The following MAP1B variants were observed in gnomAD, a reference collection of about 807,000 sequenced individuals.
The protein encoded by MAP1B is microtubule associated protein 1B, also known as microtubule-associated protein 1B.
In MAP1B, 12 loss-of-function variants were observed where a neutral mutation model predicts 176.1. The observed-to-expected ratio is 0.07, with a 90% CI of 0.04 to 0.11. The LOEUF (loss-of-function observed/expected upper bound fraction) is 0.11. Among genes scored for constraint, MAP1B ranks in the 10% least tolerant of loss-of-function variants. The pLI, the probability that MAP1B is intolerant of heterozygous loss-of-function variation, is 1.00. For missense variants in MAP1B, 2,523 were observed against 2,990.5 expected (o/e 0.84, Z 3.65); for synonymous variants, 1,044 against 1,135.0 (o/e 0.92, Z 1.61).
At position 72,208,712 on chromosome 5, in the gene MAP1B, T is replaced by C. The variant is rs950351425; in HGVS notation, c.*3473T>C. ...CAGTCTAGGAGCTTTCCAATACTCA[T>C]TTAATTAAGATTTAATCATTTGCTA... On this transcript the variant is annotated 3_prime_UTR_variant, in exon 7 of 7. Transcript: ENST00000296755. 1 of 152,226 alleles carries C rather than the reference T, an allele frequency of 6.6e-6. No homozygotes were observed. Among genetic ancestry groups the C allele is most frequent in the African/African-American group, 2.4e-5 (1 of 41,458 alleles). The allele number at this position is 152,226 out of a possible 1,614,324, so 9.4% of individuals were successfully genotyped here. A position where few individuals can be genotyped will look rare whatever the true frequency, so the allele number is the denominator to read the frequency against.
chr5:72,169,472 G>A (rs1242548457), intron 2 of MAP1B: 1 of 152,946 alleles, frequency 6.5e-6, no homozygotes, highest in Admixed American at 6.5e-5. Context: ...CTCTGAGTGG[G>A]ATTTAACATA....
chr5:72,197,465 T>A lies in MAP1B; in HGVS notation c.4110T>A (p.Asp1370Glu). ...GTTTTGAATTCAGTGATGCCAAAGA[T>A]GAGAATGAAAGGGCTTCAGTAAGCC... The part of the protein sequence containing the change: ...PVSFEFSDAK[D>E]ENERASVSPM... Residue 1370 changes from aspartate (D) to glutamate (E), a missense_variant, in exon 5 of 7, where the codon GAT becomes GAA. By Grantham distance (45) the Asp-to-Glu change is conservative. Around this residue, in one of 4 missense-constraint regions of MAP1B, gnomAD observed 1,925 missense variants for 2,126.0 expected, o/e 0.91. Transcript: ENST00000296755. The A allele has an allele frequency of 6.2e-7, 1 of 1,614,118 alleles. No homozygotes were observed.
At chr5:72,161,973 A>AAAAG (rs869306105) in intron 2 of MAP1B, among the ~76,000 whole-genome samples, 48 of 146,916 alleles carry the variant, frequency 3.3e-4, no homozygotes, top group African/African-American at 1.2e-3. Context: ...AAAAAAAAAA[A>AAAAG]AAAGAAAGAA....
intron 1 of MAP1B, among the ~76,000 whole-genome samples, chr5:72,110,161 C>T (rs1745300311): frequency 6.6e-6 from 1 of 152,190 alleles, no homozygotes; most frequent in Non-Finnish European, 1.5e-5. Context: ...AAAACGGACA[C>T]GCCTGGGTTA....
chr5:72,195,594 T>C lies in MAP1B; in HGVS notation c.2239T>C (p.Ser747Pro). The C allele has an allele frequency of 1.2e-6, 2 of 1,614,186 alleles. No homozygotes were observed. Among genetic ancestry groups the C allele is most frequent in the Non-Finnish European group, 1.7e-6 (2 of 1,180,044 alleles). Residue 747 changes from serine to proline, a missense_variant, in exon 5 of 7, where the codon TCT becomes CCT. By Grantham distance (74) the Ser-to-Pro change is moderately conservative. This residue lies in a region of MAP1B where 1,925 missense variants were observed against 2,126.0 expected (regional missense o/e 0.91). Transcript: ENST00000296755. ...CGCAAAGAAATCATCTACTCCTCTG[T>C]CTGAAGCAAAAAAACCAGCTGCTTT... ...KDAKKSSTPL[S>P]EAKKPAALKP...
chr5:72,179,337 G>A (rs1398482315), intron 2 of MAP1B, among the ~76,000 whole-genome samples: 4 of 152,184 alleles, frequency 2.6e-5, no homozygotes, highest in Non-Finnish European at 2.9e-5. Context: ...GTGAGGTGTC[G>A]AATGGAGAAT....
chr5:72,145,999 T>G (rs1441577682), intron 2 of MAP1B, among the ~76,000 whole-genome samples: 1 of 152,128 alleles, frequency 6.6e-6, no homozygotes, highest in African/African-American at 2.4e-5. Context: ...AAGAGATAGG[T>G]CAAAGAAGAG....
chr5:72,128,122 A>G (rs1745661135), intron 2 of MAP1B, among the ~76,000 whole-genome samples: 1 of 152,180 alleles, frequency 6.6e-6, no homozygotes, highest in Non-Finnish European at 1.5e-5. Flanking sequence ...CCTACTTGGA[A>G]CCCAAACTCA....
chr5:72,121,143 G>A (rs1437386382), intron 2 of MAP1B, among the ~76,000 whole-genome samples: 1 of 152,144 alleles, frequency 6.6e-6, no homozygotes, highest in Non-Finnish European at 1.5e-5. Context: ...ATGGTCCTGT[G>A]GGTGCCCACG....
intron 2 of MAP1B, among the ~76,000 whole-genome samples, chr5:72,166,059 T>A (rs1440070207): frequency 6.6e-6 from 1 of 152,226 alleles, no homozygotes; most frequent in Non-Finnish European, 1.5e-5. Flanking sequence ...ATGACACTAG[T>A]GGCAAGAGGA....
chr5:72,179,059 C>A (rs1490420265), intron 2 of MAP1B, among the ~76,000 whole-genome samples: 1 of 152,108 alleles, frequency 6.6e-6, no homozygotes, highest in Non-Finnish European at 1.5e-5. Context: ...CAAGGCCCCT[C>A]CTGCTTCGAG....
intron 1 of MAP1B, among the ~76,000 whole-genome samples, chr5:72,111,411 C>T (rs1384836794): frequency 6.6e-6 from 1 of 152,176 alleles, no homozygotes; most frequent in Non-Finnish European, 1.5e-5. Context: ...ATCTACTGCT[C>T]TGCATTTTTA....
chr5:72,129,503 G>C (rs1745689642), intron 2 of MAP1B, among the ~76,000 whole-genome samples: 1 of 152,020 alleles, frequency 6.6e-6, no homozygotes. Flanking sequence ...GTTGCAGTGA[G>C]CCGAGATTGT....
chr5:72,150,406 T>G (rs1746120083), intron 2 of MAP1B, among the ~76,000 whole-genome samples: 2 of 152,384 alleles, frequency 1.3e-5, no homozygotes, highest in South Asian at 4.1e-4. Flanking sequence ...ATTCTGGAAC[T>G]ACCTGTTCTG....
At position 72,194,031 on chromosome 5, in the gene MAP1B, C is replaced by G; in HGVS notation, c.676C>G (p.Leu226Val). ...SASILPEMEG[L>V]SEFTEYLSES... is the part of the protein sequence containing the mutation. ...TTCTATCTTGCCAGAAATGGAAGGA[C>G]TTTCTGAGTTTACCGAGTATCTCTC... The change falls in exon 5 of 7, where the codon CTT becomes GTT. Residue 226 changes from leucine (L) to valine (V), a missense_variant. By Grantham distance (32) the Leu-to-Val change is conservative. Transcript: ENST00000296755. The surrounding 1 kb of genome is among the most constrained non-coding windows in gnomAD (Gnocchi z 7.2). 1 of 1,614,180 alleles carries G rather than the reference C, an allele frequency of 6.2e-7. No individual in the cohort carries two copies. The highest frequency in any genetic ancestry group is 1.1e-5 in the South Asian group (1 of 91,076).
At chr5:72,173,970 G>A (rs1370690674) in intron 2 of MAP1B, among the ~76,000 whole-genome samples, 4 of 152,074 alleles carry the variant, frequency 2.6e-5, no homozygotes, top group Admixed American at 6.6e-5. Flanking sequence ...TCTACAAAAA[G>A]TACAAAAAAA....
chr5:72,145,226 AG>A, intron 2 of MAP1B, among the ~76,000 whole-genome samples: 1 of 152,226 alleles, frequency 6.6e-6, no homozygotes, highest in Non-Finnish European at 1.5e-5. Flanking sequence ...ATGAAATGAT[AG>A]AAAGATACTA....
At chr5:72,156,805 C>A (rs1005160182) in intron 2 of MAP1B, among the ~76,000 whole-genome samples, 19 of 152,182 alleles carry the variant, frequency 1.2e-4, no homozygotes, top group Admixed American at 8.5e-4. Context: ...GGACACAGAG[C>A]AAGACCAAAG....
At chr5:72,156,625 A>G (rs950691440) in intron 2 of MAP1B, among the ~76,000 whole-genome samples, 7 of 152,322 alleles carry the variant, frequency 4.6e-5, no homozygotes, top group South Asian at 2.1e-4. Flanking sequence ...TGCAGTTCCC[A>G]TATGTTACCC....
Sources: gnomAD v4.1 joint callset for allele counts (sites outside exome capture counted in the v4.1 genomes callset) on GRCh38, gnomAD v4.1.1 for gene constraint, gnomAD v4.1.1 regional missense constraint, Gnocchi (gnomAD v3.1) non-coding constraint, MANE v1.5 for transcripts, NCBI Gene and HGNC (gene_info 2026-07-23, HGNC 2026-07-21) for gene names.